Variants in MFHAS1 observed in about 807,000 individuals in gnomAD.
The protein encoded by MFHAS1 is multifunctional ROCO family signaling regulator 1.
Under a neutral mutation model 70.4 loss-of-function variants are expected in MFHAS1, and 50 were observed. The observed-to-expected ratio is 0.71, with a 90% CI of 0.57 to 0.90. MFHAS1 has a LOEUF of 0.90. Among genes scored for constraint, MFHAS1 ranks in the 40% least tolerant of loss-of-function variants. MFHAS1 has a pLI of 0.00. For missense variants in MFHAS1, 1,795 were observed against 1,347.6 expected, an observed-to-expected ratio of 1.33 and a Z score of -5.20; for synonymous variants, 952 against 620.0, an observed-to-expected ratio of 1.54 and a Z score of -7.96.
intron 2 of MFHAS1, among the ~76,000 whole-genome samples, chr8:8,795,923 G>A (rs1158070550): frequency 6.6e-6 from 1 of 152,122 alleles, no homozygotes; most frequent in African/African-American, 2.4e-5. Flanking sequence ...AGAAAGAGTC[G>A]AGTTTGCTGC....
chr8:8,869,751 C>A (rs1297382770), intron 1 of MFHAS1, among the ~76,000 whole-genome samples: 1 of 152,164 alleles, frequency 6.6e-6, no homozygotes. Context: ...TTGAAACATA[C>A]ACTTAAATCA....
intron 1 of MFHAS1, among the ~76,000 whole-genome samples, chr8:8,875,015 C>T (rs1406843658): frequency 4.6e-5 from 7 of 151,862 alleles, no homozygotes; most frequent in African/African-American, 1.7e-4. Context: ...CGTTCACATC[C>T]ACTAGTTAAA....
At chr8:8,819,846 G>A (rs1027470207) in intron 1 of MFHAS1, among the ~76,000 whole-genome samples, 12 of 152,036 alleles carry the variant, frequency 7.9e-5, no homozygotes, top group Middle Eastern at 3.4e-3. Context: ...CCACAGGTGC[G>A]CACCACCATG....
At chr8:8,837,046 T>C (rs1395851155) in intron 1 of MFHAS1, among the ~76,000 whole-genome samples, 1 of 152,196 alleles carries the variant, frequency 6.6e-6, no homozygotes, top group East Asian at 1.9e-4. Flanking sequence ...GGACGTGCAA[T>C]GGCGGAACTT....
At chr8:8,815,023 G>GC (rs902955270) in intron 1 of MFHAS1, among the ~76,000 whole-genome samples, 16 of 151,644 alleles carry the variant, frequency 1.1e-4, no homozygotes, top group Admixed American at 8.6e-4. Flanking sequence ...CTTTCTCACC[G>GC]CCCCCCACAC....
At chr8:8,888,277 T>A (rs1453513664) in intron 1 of MFHAS1, among the ~76,000 whole-genome samples, 3 of 152,208 alleles carry the variant, frequency 2.0e-5, no homozygotes, top group African/African-American at 7.2e-5. Flanking sequence ...GATGTCACCT[T>A]CGGAAATATT....
At chr8:8,834,255 A>G (rs1807517968) in intron 1 of MFHAS1, among the ~76,000 whole-genome samples, 1 of 152,272 alleles carries the variant, frequency 6.6e-6, no homozygotes, top group Non-Finnish European at 1.5e-5. Context: ...AAAAATTCCT[A>G]TCACGGAGTG....
chr8:8,788,369 A>G (rs188304613), intron 2 of MFHAS1, among the ~76,000 whole-genome samples: 163 of 152,318 alleles, frequency 1.1e-3, no homozygotes, highest in African/African-American at 3.7e-3. Flanking sequence ...ATCATTACCA[A>G]AAGAGGTATA....
At chr8:8,830,729 A>C (rs1235293238) in intron 1 of MFHAS1, among the ~76,000 whole-genome samples, 3 of 152,070 alleles carry the variant, frequency 2.0e-5, no homozygotes, top group Non-Finnish European at 4.4e-5. Flanking sequence ...CAGCCTCCCG[A>C]GTAGCTGGGA....
chr8:8,824,637 A>C (rs760424152), intron 1 of MFHAS1, among the ~76,000 whole-genome samples: 3 of 152,178 alleles, frequency 2.0e-5, no homozygotes, highest in Admixed American at 1.3e-4. Flanking sequence ...CTCATGTAAC[A>C]TAAGATCCTG....
At chr8:8,829,723 T>C (rs1360835360) in intron 1 of MFHAS1, among the ~76,000 whole-genome samples, 1 of 151,942 alleles carries the variant, frequency 6.6e-6, no homozygotes, top group African/African-American at 2.4e-5. Flanking sequence ...AGAAAGGAGA[T>C]TGCGTGGGGT....
At chr8:8,804,567 C>CA (rs1292761428) in intron 1 of MFHAS1, among the ~76,000 whole-genome samples, 1 of 152,208 alleles carries the variant, frequency 6.6e-6, no homozygotes, top group African/African-American at 2.4e-5. Flanking sequence ...AGAAAGCCCT[C>CA]AGCACCTATC....
intron 1 of MFHAS1, among the ~76,000 whole-genome samples, chr8:8,845,777 T>A (rs1404492318): frequency 6.6e-6 from 1 of 152,162 alleles, no homozygotes; most frequent in African/African-American, 2.4e-5. Flanking sequence ...AAAAACTAAA[T>A]GGGTCCCACA....
intron 1 of MFHAS1, among the ~76,000 whole-genome samples, chr8:8,843,949 T>C (rs1158729552): frequency 2.0e-5 from 3 of 152,048 alleles, no homozygotes; most frequent in Non-Finnish European, 4.4e-5. Context: ...AGAATCTTAT[T>C]TTATAAGGGA....
chr8:8,792,055 C>A lies in MFHAS1; in HGVS notation c.3125+5310G>T, dbSNP rs554084015. 4.0e-3 allele frequency among the ~76,000 whole-genome samples: 611 copies of A among 151,638 alleles called. 1 individual carries two copies. The highest frequency in any genetic ancestry group is 6.4e-3 in the Non-Finnish European group (438 of 67,922). On this transcript the variant is annotated intron_variant, in intron 2 of 2. Transcript: ENST00000276282. Reference sequence around the variant, plus strand: ...GAGATCGAGACCATCCTGGCTAACACAGTGAAACCCTATCTCTACCAAAAA... The same window carrying A: ...GAGATCGAGACCATCCTGGCTAACAAAGTGAAACCCTATCTCTACCAAAAA...
rs1585036649 is a variant in MFHAS1 at position 8,825,027 on chromosome 8, T to C, written c.2999-27536A>G. 3.9e-5 allele frequency among the ~76,000 whole-genome samples: 6 copies of C among 152,354 alleles called. No individual in the cohort carries two copies. The South Asian group carries it at 1.2e-3, about 32-fold the overall frequency. ...CAAGGAAGGGAATAGAGGCAGTAGC[T>C]AAGTCAGTGCAATCTCATGCTGTCC... On this transcript the variant is annotated intron_variant, in intron 1 of 2. Coordinates refer to ENST00000276282, the MANE Select transcript of MFHAS1 (RefSeq NM_004225.3).
intron 1 of MFHAS1, among the ~76,000 whole-genome samples, chr8:8,817,380 G>A (rs1043512344): frequency 1.3e-5 from 2 of 152,162 alleles, no homozygotes; most frequent in Non-Finnish European, 2.9e-5. Flanking sequence ...AAAGCCATTT[G>A]AAATAAAAAG....
intron 1 of MFHAS1, among the ~76,000 whole-genome samples, chr8:8,866,320 T>C (rs991784397): frequency 1.4e-5 from 2 of 142,954 alleles, no homozygotes; most frequent in African/African-American, 5.2e-5. Context: ...TCTTTTTTGT[T>C]TTTTTTTTTT....
intron 1 of MFHAS1, among the ~76,000 whole-genome samples, chr8:8,858,769 G>C (rs996198966): frequency 6.6e-6 from 1 of 152,106 alleles, no homozygotes; most frequent in Non-Finnish European, 1.5e-5. Flanking sequence ...AGGTGGCGTC[G>C]AGGTGGACCC....
Sources: gnomAD v4.1 joint callset for allele counts (sites outside exome capture counted in the v4.1 genomes callset) on GRCh38, gnomAD v4.1.1 for gene constraint, MANE v1.5 for transcripts, NCBI Gene and HGNC (gene_info 2026-07-23, HGNC 2026-07-21) for gene names.